The following SH2D7 variants were observed in gnomAD, a reference collection of about 807,000 sequenced individuals.
The protein encoded by SH2D7 is SH2 domain containing 7, also known as SH2 domain-containing protein 7.
A neutral mutation model predicts 40.8 loss-of-function variants in SH2D7; 32 were observed. The ratio of observed to expected loss-of-function variants is 0.78; its 90% confidence interval spans 0.59 to 1.05. The LOEUF is 1.05. SH2D7 is among the 50% of genes least tolerant of loss of function. The pLI is 0.00. For synonymous variants in SH2D7, 195 were observed against 221.5 expected (o/e 0.88, Z 1.06); for missense variants, 559 against 566.6 (o/e 0.99, Z 0.14).
intron 2 of SH2D7, among the ~76,000 whole-genome samples, chr15:78,096,549 G>A (rs1567043427): frequency 6.6e-6 from 1 of 152,108 alleles, no homozygotes; most frequent in Non-Finnish European, 1.5e-5. Flanking sequence ...TAGCTGGAGT[G>A]CAATGGCACA....
At chr15:78,092,822 G>T (rs2073948045) in intron 1 of SH2D7, 62 bp downstream of exon 1, 2 of 1,508,156 alleles carry the variant, frequency 1.3e-6, no homozygotes, top group Middle Eastern at 1.8e-4. Flanking sequence ...TGAGAAAATG[G>T]TCTGGGAACT....
intron 5 of SH2D7, among the ~76,000 whole-genome samples, chr15:78,101,885 C>T (rs920262999): frequency 1.3e-5 from 2 of 152,200 alleles, no homozygotes; most frequent in South Asian, 4.1e-4. Context: ...TTTGCTCCTA[C>T]TCCCTCACCT....
rs750895184 is a variant in SH2D7 at position 78,098,593 on chromosome 15, G to A, written c.642G>A (p.Met214Ile). 2 of 1,613,132 alleles carry A rather than the reference G, an allele frequency of 1.2e-6. No individual in the cohort carries two copies. Among genetic ancestry groups the A allele is most frequent in the African/African-American group, 1.3e-5 (1 of 74,918 alleles). ...GGAACCTCTCCCAGGAGGAAAGCATGGAGGTGAGGAGCATTATGGGCCACC... is the reference window on the plus strand; with the variant it reads ...GGAACCTCTCCCAGGAGGAAAGCATAGAGGTGAGGAGCATTATGGGCCACC... ...SPRNLSQEES[M>I]EAPIRVSPLP... The change falls in exon 4 of 6, where the codon ATG becomes ATA. Residue 214 changes from methionine (M) to isoleucine (I), a missense_variant. Coordinates refer to ENST00000328828, the MANE Select transcript of SH2D7 (RefSeq NM_001101404.2).
At chr15:78,101,600 G>A in intron 5 of SH2D7, 42 bp downstream of exon 5, 1 of 1,516,778 alleles carries the variant, frequency 6.6e-7, no homozygotes, top group Non-Finnish European at 8.8e-7. Context: ...AGCCCTTAGA[G>A]AGCACCTGGT....
intron 4 of SH2D7, among the ~76,000 whole-genome samples, chr15:78,099,604 A>C (rs944866997): frequency 1.3e-5 from 2 of 151,940 alleles, no homozygotes; most frequent in Non-Finnish European, 2.9e-5. Flanking sequence ...TAGGATTACA[A>C]GCGTGAGCCA....
rs189869737 is a variant in SH2D7 at position 78,100,939 on chromosome 15, C to A, written c.686C>A (p.Ser229Tyr). The A allele has an allele frequency of 6.8e-4, 1,096 of 1,613,882 alleles. 2 individuals carry two copies. The highest frequency in any genetic ancestry group is 3.3e-3 in the Middle Eastern group (20 of 6,060). Residue 229 changes from serine (S) to tyrosine (Y), a missense_variant, in exon 5 of 6, where the codon TCC (serine) becomes TAC (tyrosine). Transcript: ENST00000328828. ...RVSPLPEKSS[S>Y]LLEESFGGPS... ...TCTCCACTCCCTGAGAAGAGTTCCT[C>A]CCTCCTGGAAGAGTCTTTTGGAGGC...
chr15:78,103,309 G>A (rs565793730), intron 5 of SH2D7, among the ~76,000 whole-genome samples, 156 bp from the exon 6 acceptor site: 4 of 152,320 alleles, frequency 2.6e-5, no homozygotes, highest in African/African-American at 9.6e-5. Flanking sequence ...TTCGGGCACT[G>A]GGAGAGGCTT....
chr15:78,093,220 C>A (rs1390727252), intron 1 of SH2D7, among the ~76,000 whole-genome samples: 2 of 152,210 alleles, frequency 1.3e-5, no homozygotes, highest in Admixed American at 1.3e-4. Flanking sequence ...CTCCAAGCAG[C>A]CAAAACACCT....
chr15:78,102,776 C>T (rs1311667621), intron 5 of SH2D7, among the ~76,000 whole-genome samples: 1 of 152,034 alleles, frequency 6.6e-6, no homozygotes, highest in African/African-American at 2.4e-5. Context: ...GGCAGATGAA[C>T]TCTCTGGAGC....
At chr15:78,097,248 G>A (rs1199817919) in intron 2 of SH2D7, among the ~76,000 whole-genome samples, 1 of 152,196 alleles carries the variant, frequency 6.6e-6, no homozygotes, top group East Asian at 1.9e-4. Flanking sequence ...GTCTTCTGGG[G>A]GCTGGAAGGG....
intron 2 of SH2D7, among the ~76,000 whole-genome samples, chr15:78,094,675 T>C (rs1278325426): frequency 6.6e-6 from 1 of 152,136 alleles, no homozygotes; most frequent in Non-Finnish European, 1.5e-5. Context: ...TGGAAAAAGC[T>C]TAGAATGGCC....
rs371690582 is a variant in SH2D7, at chr15:78,101,144, T to C, written c.891T>C (p.Pro297=). Residue 297 remains proline, a synonymous_variant, in exon 5 of 6, where the codon CCT becomes CCC. Transcript: ENST00000328828. ...GEQNRPDGLG[P]VLSGVSPDQG... ...AGAACAGGCCTGATGGCCTGGGGCC[T>C]GTCCTTTCTGGGGTGAGCCCAGACC... 2.6e-6 allele frequency: 4 copies of C among 1,560,542 alleles called. No individual in the cohort carries two copies. In the African/African-American group the frequency reaches 4.1e-5, roughly 16 times the overall value.
At chr15:78,094,484 C>A (rs1349009619) in intron 2 of SH2D7, among the ~76,000 whole-genome samples, 2 of 152,138 alleles carry the variant, frequency 1.3e-5, no homozygotes, top group Admixed American at 6.5e-5. Flanking sequence ...AGTTGCTAGG[C>A]AGAAAGGAGG....
chr15:78,092,172 C>T (rs1397471568), upstream of SH2D7, among the ~76,000 whole-genome samples: 1 of 152,192 alleles, frequency 6.6e-6, no homozygotes. Flanking sequence ...ATAAAAATAG[C>T]CTCCACGAAG....
At chr15:78,090,395 G>A (rs188693932), upstream of SH2D7, among the ~76,000 whole-genome samples, 660 of 152,134 alleles carry the variant, frequency 4.3e-3, 4 homozygotes, top group East Asian at 9.1e-3. Context: ...GCGACAGAGC[G>A]AGGCTCTGTC....
intron 5 of SH2D7, among the ~76,000 whole-genome samples, chr15:78,102,269 C>A (rs2074023155): frequency 6.6e-6 from 1 of 152,076 alleles, no homozygotes; most frequent in South Asian, 2.1e-4. Context: ...AAAAACCAAA[C>A]CAAAACAAAA....
chr15:78,098,254 TG>T, intron 3 of SH2D7, 129 bp from the exon 4 acceptor site: 1 of 1,391,304 alleles, frequency 7.2e-7, no homozygotes, highest in Non-Finnish European at 9.8e-7. Flanking sequence ...AGGGAGACTG[TG>T]GCAATGTCTT....
intron 2 of SH2D7, among the ~76,000 whole-genome samples, chr15:78,095,807 T>C (rs184314876): frequency 6.6e-6 from 1 of 152,254 alleles, no homozygotes; most frequent in East Asian, 1.9e-4. Context: ...TTAACTTGAT[T>C]TCCTTAAAAT....
In SH2D7 at chr15:78,103,686, G is replaced by T; in HGVS notation, c.*171G>T. On this transcript the variant is annotated 3_prime_UTR_variant, in exon 6 of 6. Coordinates refer to ENST00000328828, the MANE Select transcript of SH2D7 (RefSeq NM_001101404.2). ...CGAGGTGCCTGCCTGAGAGCAGGTG[G>T]AAGAGGACCTTGCAGGTGCCTGCAG... The T allele has an allele frequency of 1.3e-6, 1 of 752,286 alleles. No individual in the cohort carries two copies. 46.6% of individuals were successfully genotyped at this position (752,286 alleles called of 1,614,324 possible). A position where few individuals can be genotyped will look rare whatever the true frequency, so the allele number is the denominator to read the frequency against.
Sources: gnomAD v4.1 joint callset for allele counts (sites outside exome capture counted in the v4.1 genomes callset) on GRCh38, gnomAD v4.1.1 for gene constraint, MANE v1.5 for transcripts, NCBI Gene and HGNC (gene_info 2026-07-23, HGNC 2026-07-21) for gene names.